Variants in DZIP1 observed in about 807,000 individuals in gnomAD.
DZIP1 encodes DAZ interacting zinc finger protein 1.
In DZIP1, 97 loss-of-function variants were observed where a neutral mutation model predicts 107.6. That is an observed-to-expected ratio of 0.90 (90% CI 0.77 to 1.07). The LOEUF (loss-of-function observed/expected upper bound fraction) is 1.07, where lower values mean the gene tolerates loss of function less well. Among genes scored for constraint, DZIP1 ranks in the 50% least tolerant of loss-of-function variants. The pLI, the probability that DZIP1 is intolerant of heterozygous loss-of-function variation, is 0.00. For missense variants in DZIP1, 1,035 were observed against 1,063.6 expected (o/e 0.97, Z 0.37); for synonymous variants, 390 against 386.4 (o/e 1.01, Z -0.11).
At chr13:95,626,068 G>A (rs968598530) in intron 7 of DZIP1, among the ~76,000 whole-genome samples, 3 of 152,034 alleles carry the variant, frequency 2.0e-5, no homozygotes, top group Non-Finnish European at 1.5e-5. Flanking sequence ...GGAGGTCAAG[G>A]CTGCAGTGAG....
intron 15 of DZIP1, among the ~76,000 whole-genome samples, chr13:95,595,241 A>G (rs2044414455): frequency 6.6e-6 from 1 of 152,242 alleles, no homozygotes; most frequent in African/African-American, 2.4e-5. Context: ...GAGATCTTGA[A>G]CAAAATGCCT....
intron 17 of DZIP1, 139 bp from the exon 18 acceptor site, chr13:95,590,071 G>A: frequency 2.4e-6 from 3 of 1,244,708 alleles, no homozygotes; most frequent in Non-Finnish European, 3.2e-6. Context: ...AGACTCTAGG[G>A]TTGTTGTTTT....
At chr13:95,616,163 T>C (rs532980116) in intron 10 of DZIP1, among the ~76,000 whole-genome samples, 11 of 152,318 alleles carry the variant, frequency 7.2e-5, no homozygotes, top group African/African-American at 2.6e-4. Context: ...GGATCCTGCA[T>C]CTTAGCTGCC....
chr13:95,624,022 T>C lies in DZIP1; in HGVS notation c.972+746A>G, dbSNP rs1038900784. Among the ~76,000 whole-genome samples, 134 of 52,558 alleles carry C rather than the reference T, an allele frequency of 2.5e-3. 2 individuals are homozygous for C. The Admixed American group carries it at 0.026, about 10-fold the overall frequency. The allele number at this position is 52,558 out of a possible 152,430, so 34.5% of individuals were successfully genotyped here. A position where few individuals can be genotyped will look rare whatever the true frequency, so the allele number is the denominator to read the frequency against. ...CAGGTGGTATGCTGGACTTGGTTCA[T>C]GGGCCATTCGCCAAATCTCACGCTA... is the stretch of plus-strand genomic sequence containing the variant. On this transcript the variant is annotated intron_variant, in intron 8 of 22. Transcript: ENST00000376829.
chr13:95,582,795 TAG>T (rs1450263703), intron 22 of DZIP1, among the ~76,000 whole-genome samples: 1 of 152,178 alleles, frequency 6.6e-6, no homozygotes, highest in East Asian at 1.9e-4. Flanking sequence ...GCCAGTGAAA[TAG>T]AGTGCAGAGA....
Position 95,641,923 on chromosome 13 carries a change from G to T in DZIP1, c.37-68C>A, listed in dbSNP as rs765151097. 6 of 1,480,400 alleles carry T rather than the reference G, an allele frequency of 4.1e-6. No homozygotes were observed. The African/African-American group carries it at 7.4e-5, about 18-fold the overall frequency. 91.7% of individuals were successfully genotyped at this position (1,480,400 alleles called of 1,614,324 possible). Reference sequence around the variant, plus strand: ...GGGGCGGGCAGGCTGGGGAGCTGGGGGTCCGGGGAAGCCCCGGTTCTCCCC... The same window carrying T: ...GGGGCGGGCAGGCTGGGGAGCTGGGTGTCCGGGGAAGCCCCGGTTCTCCCC... On this transcript the variant is annotated intron_variant, in intron 4 of 22. Coordinates refer to ENST00000376829, the MANE Select transcript of DZIP1 (RefSeq NM_198968.4). The surrounding 1 kb of genome is among the most constrained non-coding windows in gnomAD (Gnocchi z 4.3).
chr13:95,640,489 A>C (rs539809142), intron 5 of DZIP1, among the ~76,000 whole-genome samples: 289 of 152,276 alleles, frequency 1.9e-3, no homozygotes, highest in African/African-American at 6.7e-3. Flanking sequence ...GCATGACATC[A>C]ATCTTGTTAA....
Position 95,624,863 on chromosome 13 carries a change from C to A in DZIP1, c.877G>T (p.Glu293Ter). 6.2e-7 allele frequency: 1 copy of A among 1,611,920 alleles called. No individual in the cohort carries two copies. The highest frequency in any genetic ancestry group is 8.5e-7 in the Non-Finnish European group (1 of 1,179,206). The change falls in exon 8 of 23, where the codon GAA becomes TAA. Residue 293 changes from glutamate (E) to a stop codon, truncating the protein, a stop_gained. Coordinates refer to ENST00000376829, the MANE Select transcript of DZIP1 (RefSeq NM_198968.4). LOFTEE classifies it high-confidence loss of function. Reference sequence around the variant, plus strand: ...ATTTCATCAACTAGTTTCTCCTTTTCTTCTTCTTTCCACCTGTCAAATAAC... The same window carrying A: ...ATTTCATCAACTAGTTTCTCCTTTTATTCTTCTTTCCACCTGTCAAATAAC... ...LKLFDRWKEE[E>*]KEKLVDEMEK...
At chr13:95,594,135 A>G (rs1464039836) in intron 15 of DZIP1, 49 bp from the exon 16 acceptor site, 1 of 1,464,506 alleles carries the variant, frequency 6.8e-7, no homozygotes, top group East Asian at 2.4e-5. Context: ...AAGCAAATAC[A>G]TCAAAAATCT....
chr13:95,628,048 C>CT (rs200194599), intron 7 of DZIP1, among the ~76,000 whole-genome samples: 42 of 148,152 alleles, frequency 2.8e-4, no homozygotes, highest in South Asian at 1.3e-3. Flanking sequence ...TCACACATTA[C>CT]TTTTTTTTTT....
chr13:95,624,212 T>C (rs1386124006), intron 8 of DZIP1, among the ~76,000 whole-genome samples: 2 of 152,168 alleles, frequency 1.3e-5, no homozygotes, highest in African/African-American at 4.8e-5. Context: ...CCAGGGAGCT[T>C]AGAATTCTTA....
intron 14 of DZIP1, among the ~76,000 whole-genome samples, chr13:95,603,546 C>A (rs189051055): frequency 3.9e-5 from 6 of 152,146 alleles, no homozygotes; most frequent in Middle Eastern, 3.4e-3. Context: ...GCCCAGGCAA[C>A]CTAAGCAATT....
intron 10 of DZIP1, 34 bp from the exon 11 acceptor site, chr13:95,612,211 A>G: frequency 6.3e-7 from 1 of 1,597,224 alleles, no homozygotes; most frequent in South Asian, 1.1e-5. Context: ...TCCATCTGTA[A>G]GCTGCATGTC....
Position 95,642,153 on chromosome 13 carries a change from C to A in DZIP1, c.-124G>T. The A allele has an allele frequency of 7.7e-7, 1 of 1,290,726 alleles. No homozygotes were observed. The highest frequency in any genetic ancestry group is 1.7e-5 in the South Asian group (1 of 57,856). 80.0% of individuals were successfully genotyped at this position (1,290,726 alleles called of 1,614,324 possible). ...CGGCGGCGGCGGCCTAAGGTCTGGG[C>A]GTCCAGGACGTTGCTATAGCAGCGC... On this transcript the variant is annotated 5_prime_UTR_variant, in exon 4 of 23. Transcript: ENST00000376829.
At chr13:95,604,382 C>T (rs917000637) in intron 14 of DZIP1, among the ~76,000 whole-genome samples, 1 of 152,212 alleles carries the variant, frequency 6.6e-6, no homozygotes, top group African/African-American at 2.4e-5. Context: ...GGGACGTTGG[C>T]GGGCCCTGGC....
At chr13:95,584,338 G>C (rs1384139086) in intron 22 of DZIP1, among the ~76,000 whole-genome samples, 1 of 151,628 alleles carries the variant, frequency 6.6e-6, no homozygotes, top group African/African-American at 2.4e-5. Flanking sequence ...GCCCATGCCT[G>C]TAATCCCAGC....
intron 8 of DZIP1, among the ~76,000 whole-genome samples, chr13:95,623,041 C>A (rs1876095158): frequency 6.6e-6 from 1 of 152,110 alleles, no homozygotes; most frequent in Non-Finnish European, 1.5e-5. Context: ...AGCCACCAGG[C>A]CCAGCTGGGG....
At chr13:95,614,125 CAAAAAAAAA>C (rs11327779) in intron 10 of DZIP1, among the ~76,000 whole-genome samples, 5 of 73,432 alleles carry the variant, frequency 6.8e-5, no homozygotes, top group African/African-American at 2.6e-4. Context: ...GACCCTGTCT[CAAAAAAAAA>C]AAAAAAAAAA....
chr13:95,624,221 TAGA>T (rs1183321623), intron 8 of DZIP1, among the ~76,000 whole-genome samples: 2 of 152,228 alleles, frequency 1.3e-5, no homozygotes, highest in African/African-American at 2.4e-5. Context: ...TTAGAATTCT[TAGA>T]AGGACACTGA....
Sources: gnomAD v4.1 joint callset for allele counts (sites outside exome capture counted in the v4.1 genomes callset) on GRCh38, gnomAD v4.1.1 for gene constraint, Gnocchi (gnomAD v3.1) non-coding constraint, MANE v1.5 for transcripts, NCBI Gene and HGNC (gene_info 2026-07-23, HGNC 2026-07-21) for gene names.